The following SCN2A variants were observed in gnomAD, a reference collection of about 807,000 sequenced individuals.
SCN2A encodes sodium channel protein type 2 subunit alpha.
In SCN2A, 20 loss-of-function variants were observed where a neutral mutation model predicts 188.7. That is an observed-to-expected ratio of 0.11 (90% CI 0.07 to 0.15). The LOEUF is 0.15. SCN2A is among the 10% of genes least tolerant of loss of function. SCN2A has a pLI of 1.00. For missense variants in SCN2A, 1,278 were observed against 2,445.0 expected, an observed-to-expected ratio of 0.52 and a Z score of 10.07; for synonymous variants, 804 against 833.1, an observed-to-expected ratio of 0.97 and a Z score of 0.60.
chr2:165,292,001 G>C (rs1696237701), intron 1 of SCN2A, among the ~76,000 whole-genome samples: 1 of 152,084 alleles, frequency 6.6e-6, no homozygotes. Context: ...TGGGAGGCTA[G>C]AGCTGCTACA....
rs1381085370 is a variant in SCN2A at position 165,342,367 on chromosome 2, A to G, written c.2460A>G (p.Gln820=). 1 of 1,613,900 alleles carries G rather than the reference A, an allele frequency of 6.2e-7. No homozygotes were observed. Among genetic ancestry groups the G allele is most frequent in the African/African-American group, 1.3e-5 (1 of 74,928 alleles). ...IIAMDPYYYF[Q]EGWNIFDGFI... is the part of the protein sequence containing the mutation. The stretch of plus-strand genomic sequence containing the variant: ...CCATGGATCCATATTATTACTTTCA[A>G]GAAGGCTGGAATATTTTTGATGGTT... The change falls in exon 15 of 27, where the codon CAA becomes CAG. Residue 820 remains glutamine (Q), a synonymous_variant. Transcript: ENST00000375437.
intron 11 of SCN2A, among the ~76,000 whole-genome samples, chr2:165,318,297 G>A (rs754420720): frequency 5.9e-5 from 9 of 152,174 alleles, no homozygotes; most frequent in Non-Finnish European, 1.0e-4. Context: ...AAAGAGGGGA[G>A]AAGAAAGTCA....
chr2:165,366,509 G>T (rs997023177), intron 18 of SCN2A, among the ~76,000 whole-genome samples: 18 of 151,968 alleles, frequency 1.2e-4, no homozygotes, highest in African/African-American at 4.4e-4. Context: ...GAGGCAGGCG[G>T]ATCACTTGAG....
intron 17 of SCN2A, among the ~76,000 whole-genome samples, chr2:165,364,098 C>T (rs575480899): frequency 6.6e-6 from 1 of 152,162 alleles, no homozygotes; most frequent in Admixed American, 6.5e-5. Flanking sequence ...TCTAGTTTAA[C>T]ATACTTCAGT....
At chr2:165,378,886 T>G (rs887969812) in intron 23 of SCN2A, among the ~76,000 whole-genome samples, 3 of 151,672 alleles carry the variant, frequency 2.0e-5, no homozygotes, top group African/African-American at 7.3e-5. Flanking sequence ...TAAATGCAAA[T>G]TTAAACCAAA....
rs199641159 is a variant in SCN2A at position 165,386,969 on chromosome 2, T to C, written c.4775T>C (p.Ile1592Thr). 1.7e-5 allele frequency: 27 copies of C among 1,613,856 alleles called. No individual in the cohort carries two copies. The highest frequency in any genetic ancestry group is 1.9e-5 in the Non-Finnish European group (22 of 1,179,822). The change falls in exon 26 of 27, where the codon ATT (isoleucine) becomes ACT (threonine). Residue 1592 changes from isoleucine (I) to threonine (T), a missense_variant. Physicochemically the swap from Ile to Thr is moderately conservative, Grantham distance 89 (BLOSUM62 -1). Around this residue, in one of 17 missense-constraint regions of SCN2A, gnomAD observed 97 missense variants for 266.1 expected, o/e 0.36. Transcript: ENST00000375437. The stretch of plus-strand genomic sequence containing the variant: ...TCTCTTCGTTACTACTATTTCACTA[T>C]TGGATGGAATATTTTTGATTTTGTG... ...LISLRYYYFT[I>T]GWNIFDFVVV...
chr2:165,280,411 C>A (rs1461934764), intron 1 of SCN2A, among the ~76,000 whole-genome samples: 1 of 152,108 alleles, frequency 6.6e-6, no homozygotes, highest in East Asian at 1.9e-4. Flanking sequence ...ACCTTAGTCC[C>A]TTTTATTGTT....
chr2:165,370,374 G>C (rs1390018401), intron 20 of SCN2A, 75 bp downstream of exon 20: 1 of 1,413,264 alleles, frequency 7.1e-7, no homozygotes, highest in Non-Finnish European at 1.0e-6. Context: ...CTGACACAGT[G>C]TAGGCACTCA....
At chr2:165,362,799 A>G (rs1700531798) in intron 17 of SCN2A, among the ~76,000 whole-genome samples, 1 of 152,118 alleles carries the variant, frequency 6.6e-6, no homozygotes, top group African/African-American at 2.4e-5. Flanking sequence ...ATACATTATC[A>G]AGGTTCAAGA....
intron 1 of SCN2A, among the ~76,000 whole-genome samples, chr2:165,275,366 CT>C (rs1323001946): frequency 6.6e-6 from 1 of 152,124 alleles, no homozygotes; most frequent in East Asian, 1.9e-4. Flanking sequence ...TATTTTTTCT[CT>C]CTTTTTCATA....
At chr2:165,308,576 A>G in intron 4 of SCN2A, 90 bp from the exon 5 acceptor site, 7 of 1,439,974 alleles carry the variant, frequency 4.9e-6, no homozygotes, top group Non-Finnish European at 6.8e-6. Context: ...GAAGTGTCTA[A>G]TTTTTGTTTG....
At chr2:165,331,653 A>G in intron 14 of SCN2A, 85 bp downstream of exon 14, 1 of 1,065,180 alleles carries the variant, frequency 9.4e-7, no homozygotes, top group South Asian at 1.3e-5. Context: ...CAAATTAAAT[A>G]TCAACTAATT....
intron 3 of SCN2A, among the ~76,000 whole-genome samples, chr2:165,306,158 A>G (rs907326471): frequency 6.6e-6 from 1 of 152,170 alleles, no homozygotes; most frequent in Non-Finnish European, 1.5e-5. Context: ...TCTTCTCTGT[A>G]AAGTAGAAAA....
intron 16 of SCN2A, among the ~76,000 whole-genome samples, chr2:165,345,854 T>C (rs970770242): frequency 1.3e-5 from 2 of 152,346 alleles, no homozygotes; most frequent in African/African-American, 4.8e-5. Context: ...TACTGGTTTT[T>C]CCTTGCCATA....
chr2:165,320,937 C>T (rs1473808551), intron 11 of SCN2A, among the ~76,000 whole-genome samples: 2 of 152,208 alleles, frequency 1.3e-5, no homozygotes, highest in Non-Finnish European at 2.9e-5. Context: ...CAAATTTCTA[C>T]AGCCTGCTTG....
Position 165,332,604 on chromosome 2 carries a change from G to A in SCN2A, c.2388+1036G>A, listed in dbSNP as rs9808253. ...TTTCAGAGACTATCATAAGCTATGGGCAAAGATCACAGACGCTTAGAGTAG... is the reference window on the plus strand; with the variant it reads ...TTTCAGAGACTATCATAAGCTATGGACAAAGATCACAGACGCTTAGAGTAG... On this transcript the variant is annotated intron_variant, in intron 14 of 26. Coordinates refer to ENST00000375437, the MANE Select transcript of SCN2A (RefSeq NM_001040142.2). Among the ~76,000 whole-genome samples, 635 of 152,046 alleles carry A rather than the reference G, an allele frequency of 4.2e-3. 6 individuals carry two copies. The highest frequency in any genetic ancestry group is 0.015 in the African/African-American group (618 of 41,496).
intron 16 of SCN2A, among the ~76,000 whole-genome samples, chr2:165,348,757 C>T (rs1008805369): frequency 4.6e-5 from 7 of 152,158 alleles, no homozygotes; most frequent in African/African-American, 1.7e-4. Flanking sequence ...TAAGAAGGCT[C>T]AATCTCATGA....
At chr2:165,353,462 A>G (rs1465859649) in intron 16 of SCN2A, among the ~76,000 whole-genome samples, 4 of 152,180 alleles carry the variant, frequency 2.6e-5, no homozygotes, top group Non-Finnish European at 4.4e-5. Flanking sequence ...TACATAGTCA[A>G]AATAGCATCT....
chr2:165,301,173 G>A (rs1696788859), intron 3 of SCN2A, among the ~76,000 whole-genome samples: 1 of 152,120 alleles, frequency 6.6e-6, no homozygotes, highest in African/African-American at 2.4e-5. Flanking sequence ...CCAATTTGGT[G>A]GGTAAGATCA....
Sources: gnomAD v4.1 joint callset for allele counts (sites outside exome capture counted in the v4.1 genomes callset) on GRCh38, gnomAD v4.1.1 for gene constraint, gnomAD v4.1.1 regional missense constraint, MANE v1.5 for transcripts, NCBI Gene and HGNC (gene_info 2026-07-23, HGNC 2026-07-21) for gene names.